Variants in ITCH observed in about 807,000 individuals in gnomAD.
The protein encoded by ITCH is E3 ubiquitin-protein ligase Itchy homolog.
Under a neutral mutation model 126.8 loss-of-function variants are expected in ITCH, and 28 were observed. The ratio of observed to expected loss-of-function variants is 0.22; its 90% CI spans 0.16 to 0.30. The LOEUF is 0.30. ITCH is among the 10% of genes least tolerant of loss of function. The pLI, the probability that ITCH is intolerant of heterozygous loss-of-function variation, is 1.00. For missense variants in ITCH, 631 were observed against 1,032.4 expected, an observed-to-expected ratio of 0.61 and a Z score of 5.33; for synonymous variants, 342 against 340.0, an observed-to-expected ratio of 1.01 and a Z score of -0.06.
intron 4 of ITCH, among the ~76,000 whole-genome samples, chr20:34,411,777 T>C (rs541809386): frequency 6.6e-6 from 1 of 152,330 alleles, no homozygotes; most frequent in South Asian, 2.1e-4. Context: ...CCTAGCTTTC[T>C]GATCCTTGAC....
intron 23 of ITCH, among the ~76,000 whole-genome samples, chr20:34,500,545 G>A (rs1990182570): frequency 6.6e-6 from 1 of 152,018 alleles, no homozygotes; most frequent in African/African-American, 2.4e-5. Context: ...TTTTCAGTCT[G>A]TATGTGTCTT....
intron 16 of ITCH, among the ~76,000 whole-genome samples, chr20:34,472,405 T>C (rs967587357): frequency 5.4e-5 from 8 of 148,770 alleles, no homozygotes; most frequent in African/African-American, 2.0e-4. Flanking sequence ...AAACTTGAGT[T>C]AGTCTACTAT....
chr20:34,466,323 G>T, intron 14 of ITCH: 1 of 522,820 alleles, frequency 1.9e-6, no homozygotes, highest in Admixed American at 2.0e-5. Context: ...TTTTTTTGCT[G>T]ATTTTTTTTT....
At chr20:34,415,794 T>C (rs1979744847) in intron 6 of ITCH, among the ~76,000 whole-genome samples, 1 of 152,166 alleles carries the variant, frequency 6.6e-6, no homozygotes, top group Admixed American at 6.5e-5. Flanking sequence ...TGTCCTAAGC[T>C]TCGCCCATAG....
intron 7 of ITCH, among the ~76,000 whole-genome samples, chr20:34,433,608 G>A (rs1013167870): frequency 6.9e-6 from 1 of 144,894 alleles, no homozygotes; most frequent in East Asian, 2.0e-4. Flanking sequence ...AGCGAGCAGT[G>A]ATTGTGCCTA....
chr20:34,486,182 C>T (rs1301829485), intron 20 of ITCH, among the ~76,000 whole-genome samples: 1 of 151,732 alleles, frequency 6.6e-6, no homozygotes, highest in Non-Finnish European at 1.5e-5. Flanking sequence ...GCCTGGCTTA[C>T]TTATTTATTT....
At chr20:34,409,449 T>C (rs1202741582) in intron 4 of ITCH, among the ~76,000 whole-genome samples, 2 of 152,090 alleles carry the variant, frequency 1.3e-5, no homozygotes, top group Non-Finnish European at 2.9e-5. Context: ...TCCAGAGTGC[T>C]CTCTCTCAAC....
intron 2 of ITCH, among the ~76,000 whole-genome samples, chr20:34,391,929 T>C (rs2038503700): frequency 6.6e-6 from 1 of 152,222 alleles, no homozygotes; most frequent in Admixed American, 6.5e-5. Context: ...ATTTATACTG[T>C]ACTATTAGGG....
intron 22 of ITCH, among the ~76,000 whole-genome samples, chr20:34,490,287 T>G (rs1989418142): frequency 6.6e-6 from 1 of 152,234 alleles, no homozygotes; most frequent in Non-Finnish European, 1.5e-5. Flanking sequence ...AGACTTGGTT[T>G]AGAATCATAA....
intron 6 of ITCH, among the ~76,000 whole-genome samples, chr20:34,419,623 C>T (rs1260501297): frequency 1.2e-4 from 18 of 152,098 alleles, no homozygotes; most frequent in Non-Finnish European, 2.1e-4. Context: ...GGATTACAGG[C>T]GTCCACGACC....
At chr20:34,495,097 C>CAAA (rs71194611) in intron 23 of ITCH, among the ~76,000 whole-genome samples, 1 of 110,382 alleles carries the variant, frequency 9.1e-6, no homozygotes, top group African/African-American at 3.5e-5. Flanking sequence ...ACGAAAAATA[C>CAAA]AAAAAAAAAA....
At chr20:34,452,628 T>C (rs989847687) in intron 12 of ITCH, among the ~76,000 whole-genome samples, 3 of 152,196 alleles carry the variant, frequency 2.0e-5, no homozygotes, top group Admixed American at 1.3e-4. Flanking sequence ...TTCAGACTTT[T>C]ATATGCTGGG....
chr20:34,425,552 T>C (rs1981396648), intron 7 of ITCH, among the ~76,000 whole-genome samples: 1 of 152,218 alleles, frequency 6.6e-6, no homozygotes, highest in African/African-American at 2.4e-5. Flanking sequence ...CGTTCTATTC[T>C]GAGATAGGAG....
intron 12 of ITCH, chr20:34,454,463 G>GAGTT (rs1184335978): frequency 2.0e-5 from 3 of 152,058 alleles, no homozygotes; most frequent in African/African-American, 7.3e-5. Context: ...GACAGCCTTT[G>GAGTT]AGTTGGTGAT....
At chr20:34,417,864 G>T (rs577158158) in intron 6 of ITCH, among the ~76,000 whole-genome samples, 1 of 151,158 alleles carries the variant, frequency 6.6e-6, no homozygotes, top group Non-Finnish European at 1.5e-5. Context: ...TTTAGTACCA[G>T]TCTTCCCATT....
chr20:34,463,956 G>A (rs189893998), intron 14 of ITCH, among the ~76,000 whole-genome samples: 12 of 151,834 alleles, frequency 7.9e-5, no homozygotes, highest in Admixed American at 7.9e-4. Context: ...AGATTTTGAT[G>A]TCTGATTTGT....
intron 3 of ITCH, among the ~76,000 whole-genome samples, chr20:34,400,657 T>C (rs2038848063): frequency 6.7e-6 from 1 of 149,926 alleles, no homozygotes; most frequent in African/African-American, 2.5e-5. Context: ...TTTTTTTTTT[T>C]TTTTTTTTGA....
chr20:34,417,285 CAG>C, intron 6 of ITCH: 1 of 465,656 alleles, frequency 2.1e-6, no homozygotes. Context: ...TTAGTAGAGA[CAG>C]GGTTTCTCCG....
chr20:34,445,283 T>G lies in ITCH; in HGVS notation c.966-4T>G, dbSNP rs776847277. 3.7e-6 allele frequency: 6 copies of G among 1,611,126 alleles called. No homozygotes were observed. The highest frequency in any genetic ancestry group is 5.1e-6 in the Non-Finnish European group (6 of 1,178,626). On this transcript the variant is annotated splice_region_variant and splice_polypyrimidine_tract_variant and intron_variant, in intron 10 of 24. Transcript: ENST00000374864. ...TTGTTTTTTTTTTTTTTTTTCTGATTTAGCTGGGAACGGCGGGTTGACAAC... is the reference window on the plus strand; with the variant it reads ...TTGTTTTTTTTTTTTTTTTTCTGATGTAGCTGGGAACGGCGGGTTGACAAC...
Sources: allele counts gnomAD v4.1 joint callset (sites outside exome capture counted in the v4.1 genomes callset), GRCh38; gene constraint gnomAD v4.1.1; transcripts MANE v1.5; gene names NCBI Gene and HGNC (gene_info 2026-07-23, HGNC 2026-07-21).